Variants in PARD3 observed in about 807,000 individuals in gnomAD.
PARD3 encodes the protein par-3 family cell polarity regulator, also known as partitioning defective 3 homolog.
PARD3 carries 75 observed loss-of-function variants against 155.4 expected under a neutral mutation model. The observed-to-expected ratio is 0.48, with a 90% CI of 0.40 to 0.58. The LOEUF (loss-of-function observed/expected upper bound fraction) is 0.58, where lower values mean the gene tolerates loss of function less well. PARD3 is among the 20% of genes least tolerant of loss of function. The pLI, the probability that PARD3 is intolerant of heterozygous loss-of-function variation, is 0.00. For missense variants in PARD3, 1,642 were observed against 1,721.7 expected (o/e 0.95, Z 0.82); for synonymous variants, 576 against 610.5 (o/e 0.94, Z 0.83).
intron 22 of PARD3, among the ~76,000 whole-genome samples, chr10:34,140,242 A>T (rs2132856016): frequency 6.6e-6 from 1 of 152,318 alleles, no homozygotes; most frequent in East Asian, 1.9e-4. Context: ...TGCCCCTTGA[A>T]GTGTTTCTTC....
intron 19 of PARD3, among the ~76,000 whole-genome samples, chr10:34,330,471 G>GA (rs1050708637): frequency 4.0e-5 from 6 of 151,402 alleles, no homozygotes; most frequent in African/African-American, 1.2e-4. Context: ...TTAGTTATAG[G>GA]AAAGAATGAG....
At chr10:34,331,588 T>TA (rs997917003) in intron 18 of PARD3, among the ~76,000 whole-genome samples, 3 of 152,072 alleles carry the variant, frequency 2.0e-5, no homozygotes, top group Non-Finnish European at 4.4e-5. Context: ...CATTACTTTT[T>TA]AAAAAAAATT....
rs112641127 is a variant in PARD3, at chr10:34,164,811, C to T, written c.3420-33228G>A. 2.3e-3 allele frequency among the ~76,000 whole-genome samples: 353 copies of T among 152,276 alleles called. 4 individuals carry two copies. Among genetic ancestry groups the T allele is most frequent in the African/African-American group, 8.1e-3 (338 of 41,548 alleles). On this transcript the variant is annotated intron_variant, in intron 22 of 24. Transcript: ENST00000374788. ...CTAGCTGGACGCACACACATACACACATATACAATTATTTCCATAGTCATT... is the reference window on the plus strand; with the variant it reads ...CTAGCTGGACGCACACACATACACATATATACAATTATTTCCATAGTCATT...
intron 16 of PARD3, among the ~76,000 whole-genome samples, chr10:34,340,490 G>T (rs1363144954): frequency 6.6e-6 from 1 of 152,112 alleles, no homozygotes; most frequent in Non-Finnish European, 1.5e-5. Flanking sequence ...TTATCATACA[G>T]GTTTGAGGGT....
intron 22 of PARD3, among the ~76,000 whole-genome samples, chr10:34,160,878 G>T (rs1240213660): frequency 6.6e-6 from 1 of 152,130 alleles, no homozygotes; most frequent in Non-Finnish European, 1.5e-5. Flanking sequence ...TAGGTCTGAG[G>T]GAGCATGCAG....
chr10:34,704,814 T>C (rs2094338676), intron 1 of PARD3, among the ~76,000 whole-genome samples: 2 of 152,226 alleles, frequency 1.3e-5, no homozygotes, highest in Admixed American at 6.5e-5. Flanking sequence ...AGTTTACAGT[T>C]TAGCATCCAC....
intron 5 of PARD3, among the ~76,000 whole-genome samples, chr10:34,420,841 T>C (rs1208283536): frequency 2.0e-5 from 3 of 152,212 alleles, no homozygotes; most frequent in Admixed American, 2.0e-4. Context: ...CATGTTAACA[T>C]GTTCAGAACA....
At chr10:34,534,630 A>G (rs772057267) in intron 2 of PARD3, among the ~76,000 whole-genome samples, 3 of 152,200 alleles carry the variant, frequency 2.0e-5, no homozygotes, top group Non-Finnish European at 4.4e-5. Flanking sequence ...GAACAAAATC[A>G]CAGGCACAAA....
At chr10:34,734,024 C>A (rs1173563854) in intron 1 of PARD3, among the ~76,000 whole-genome samples, 1 of 151,106 alleles carries the variant, frequency 6.6e-6, no homozygotes, top group African/African-American at 2.4e-5. Flanking sequence ...ACAAAATTAA[C>A]CCCAAACATA....
intron 4 of PARD3, among the ~76,000 whole-genome samples, chr10:34,469,837 T>C (rs1160290181): frequency 6.6e-6 from 1 of 152,128 alleles, no homozygotes; most frequent in Non-Finnish European, 1.5e-5. Context: ...TGAAATGGAA[T>C]CTATTCAAAA....
chr10:34,644,415 T>C (rs1038604185), intron 2 of PARD3, among the ~76,000 whole-genome samples: 2 of 152,220 alleles, frequency 1.3e-5, no homozygotes, highest in African/African-American at 4.8e-5. Context: ...TGAAATGCTA[T>C]GACATTAAGT....
At chr10:34,579,536 TAAAA>T (rs1262445893) in intron 2 of PARD3, among the ~76,000 whole-genome samples, 1 of 147,376 alleles carries the variant, frequency 6.8e-6, no homozygotes, top group African/African-American at 2.5e-5. Flanking sequence ...ACTAAATAAA[TAAAA>T]GCTACCATTT....
At chr10:34,599,878 T>C (rs1475342872) in intron 2 of PARD3, among the ~76,000 whole-genome samples, 2 of 152,166 alleles carry the variant, frequency 1.3e-5, no homozygotes, top group Non-Finnish European at 2.9e-5. Context: ...TAAAAGGCCT[T>C]CTTGGAACTT....
intron 2 of PARD3, among the ~76,000 whole-genome samples, chr10:34,570,071 C>T (rs891909610): frequency 2.0e-5 from 3 of 152,142 alleles, no homozygotes; most frequent in Non-Finnish European, 2.9e-5. Context: ...CATAGTACAT[C>T]TATCTAATCC....
chr10:34,627,797 G>A (rs566143195), intron 2 of PARD3, among the ~76,000 whole-genome samples: 1 of 152,252 alleles, frequency 6.6e-6, no homozygotes, highest in South Asian at 2.1e-4. Flanking sequence ...TTGTTATGAC[G>A]TCCCTTCAAA....
chr10:34,750,326 T>C (rs1038285058), intron 1 of PARD3, among the ~76,000 whole-genome samples: 3 of 151,464 alleles, frequency 2.0e-5, no homozygotes, highest in African/African-American at 7.3e-5. Context: ...TATTAATCTA[T>C]GGAAAATAGG....
chr10:34,456,667 A>G (rs1349625176), intron 4 of PARD3, among the ~76,000 whole-genome samples: 1 of 152,230 alleles, frequency 6.6e-6, no homozygotes, highest in Non-Finnish European at 1.5e-5. Flanking sequence ...TAATTTTTCC[A>G]AGCAAATTAA....
chr10:34,779,435 C>T (rs1043256548), intron 1 of PARD3, among the ~76,000 whole-genome samples: 92 of 152,046 alleles, frequency 6.1e-4, no homozygotes, highest in African/African-American at 2.1e-3. Flanking sequence ...ACGGTGAAAC[C>T]CCGTCTCCAC....
chr10:34,239,359 A>C (rs2133637125), intron 22 of PARD3, among the ~76,000 whole-genome samples: 1 of 152,340 alleles, frequency 6.6e-6, no homozygotes, highest in Admixed American at 6.5e-5. Flanking sequence ...CAGTACCAAA[A>C]GCGGAGCCTC....
Sources: allele counts gnomAD v4.1 joint callset (sites outside exome capture counted in the v4.1 genomes callset), GRCh38; gene constraint gnomAD v4.1.1; transcripts MANE v1.5; gene names NCBI Gene and HGNC (gene_info 2026-07-23, HGNC 2026-07-21).